KCNAB1: variants seen among roughly 807,000 people sequenced by gnomAD.
KCNAB1 encodes the protein potassium voltage-gated channel subfamily A regulatory beta subunit 1, also known as voltage-gated potassium channel subunit beta-1.
Under a neutral mutation model 64.6 loss-of-function variants are expected in KCNAB1, and 35 were observed. That is an observed-to-expected ratio of 0.54 (90% CI 0.41 to 0.72). The LOEUF is 0.72. KCNAB1 is among the 30% of genes least tolerant of loss of function. The probability of loss-of-function intolerance (pLI) is 0.00; values close to 1 mark genes in which losing one functional copy is unlikely to be tolerated. For synonymous variants in KCNAB1, 177 were observed against 183.8 expected (o/e 0.96, Z 0.30); for missense variants, 401 against 512.9 (o/e 0.78, Z 2.11).
chr3:156,202,170 A>G (rs1714376598), intron 1 of KCNAB1, among the ~76,000 whole-genome samples: 1 of 152,162 alleles, frequency 6.6e-6, no homozygotes. Flanking sequence ...TAGGCTCAAC[A>G]CTGGCTGGAG....
At chr3:156,527,136 C>CA (rs1334865987) in intron 12 of KCNAB1, among the ~76,000 whole-genome samples, 1 of 151,966 alleles carries the variant, frequency 6.6e-6, no homozygotes, top group African/African-American at 2.4e-5. Context: ...ATCCTTTCTT[C>CA]AAAAAATAAA....
intron 1 of KCNAB1, among the ~76,000 whole-genome samples, chr3:156,340,932 C>G (rs897555586): frequency 6.6e-6 from 1 of 152,194 alleles, no homozygotes; most frequent in Non-Finnish European, 1.5e-5. Context: ...CTCAAGACCT[C>G]CCACCTCTAT....
At chr3:156,400,687 A>G (rs990562213) in intron 1 of KCNAB1, among the ~76,000 whole-genome samples, 61 of 152,180 alleles carry the variant, frequency 4.0e-4, no homozygotes, top group African/African-American at 1.4e-3. Context: ...CAATGTATAT[A>G]CAATGCACTT....
At chr3:156,329,481 C>G (rs577280532) in intron 1 of KCNAB1, among the ~76,000 whole-genome samples, 1 of 152,230 alleles carries the variant, frequency 6.6e-6, no homozygotes, top group African/African-American at 2.4e-5. Context: ...AACCCCCCAA[C>G]AGCTGGGCCT....
At chr3:156,201,617 T>A (rs1213637183) in intron 1 of KCNAB1, among the ~76,000 whole-genome samples, 1 of 152,200 alleles carries the variant, frequency 6.6e-6, no homozygotes, top group Non-Finnish European at 1.5e-5. Context: ...GCAGGCTCCA[T>A]GTCCACCAAT....
At chr3:156,501,983 A>G (rs1415110720) in intron 8 of KCNAB1, among the ~76,000 whole-genome samples, 1 of 152,154 alleles carries the variant, frequency 6.6e-6, no homozygotes, top group African/African-American at 2.4e-5. Context: ...TCATGAGAAT[A>G]GCACGGGAAA....
intron 1 of KCNAB1, among the ~76,000 whole-genome samples, chr3:156,134,450 A>G (rs781487832): frequency 2.6e-5 from 4 of 152,238 alleles, no homozygotes; most frequent in Admixed American, 6.5e-5. Flanking sequence ...CCAAGAAAGA[A>G]TACATGGTTT....
At chr3:156,189,579 T>C (rs1204604170) in intron 1 of KCNAB1, among the ~76,000 whole-genome samples, 2 of 152,308 alleles carry the variant, frequency 1.3e-5, no homozygotes, top group Non-Finnish European at 1.5e-5. Flanking sequence ...TCTTGCCTTT[T>C]CTAATCTTTT....
At chr3:156,415,233 C>T (rs968798170) in intron 1 of KCNAB1, among the ~76,000 whole-genome samples, 9 of 152,146 alleles carry the variant, frequency 5.9e-5, no homozygotes, top group South Asian at 2.1e-4. Context: ...TTTAAAATAG[C>T]GCTTTTCCTA....
intron 1 of KCNAB1, among the ~76,000 whole-genome samples, chr3:156,302,927 G>A (rs1721255136): frequency 2.0e-5 from 3 of 152,148 alleles, no homozygotes; most frequent in Admixed American, 2.0e-4. Flanking sequence ...TAGCACTTGG[G>A]ATCATGGGAG....
chr3:156,232,431 T>A (rs1346865530), intron 1 of KCNAB1, among the ~76,000 whole-genome samples: 1 of 152,258 alleles, frequency 6.6e-6, no homozygotes, highest in Non-Finnish European at 1.5e-5. Flanking sequence ...CAGGCTCTTA[T>A]TTGCTTCTGT....
intron 1 of KCNAB1, among the ~76,000 whole-genome samples, chr3:156,208,976 T>C (rs1714843691): frequency 6.6e-6 from 1 of 152,236 alleles, no homozygotes; most frequent in Non-Finnish European, 1.5e-5. Flanking sequence ...CAAAGACAGG[T>C]ATTTTTCCAG....
At chr3:156,239,038 G>C (rs887693612) in intron 1 of KCNAB1, among the ~76,000 whole-genome samples, 1 of 152,094 alleles carries the variant, frequency 6.6e-6, no homozygotes, top group African/African-American at 2.4e-5. Flanking sequence ...AGACAATTGA[G>C]AAACAAGTAT....
At chr3:156,323,343 G>A (rs531601435) in intron 1 of KCNAB1, among the ~76,000 whole-genome samples, 8 of 152,188 alleles carry the variant, frequency 5.3e-5, no homozygotes, top group South Asian at 4.2e-4. Flanking sequence ...ATTGGTGTTC[G>A]GGGAGAAATG....
At chr3:156,145,010 G>T (rs1375092912) in intron 1 of KCNAB1, among the ~76,000 whole-genome samples, 1 of 152,202 alleles carries the variant, frequency 6.6e-6, no homozygotes, top group African/African-American at 2.4e-5. Flanking sequence ...GAGCCCACCT[G>T]CTTGAGGGGA....
At chr3:156,186,413 A>G (rs998471143) in intron 1 of KCNAB1, among the ~76,000 whole-genome samples, 1 of 152,086 alleles carries the variant, frequency 6.6e-6, no homozygotes, top group Non-Finnish European at 1.5e-5. Context: ...CAAAGCTGAC[A>G]TCTCCCTCCT....
At chr3:156,482,771 A>C (rs572940227) in intron 8 of KCNAB1, among the ~76,000 whole-genome samples, 2 of 152,218 alleles carry the variant, frequency 1.3e-5, no homozygotes, top group African/African-American at 4.8e-5. Context: ...AATATACACA[A>C]AATGCTTAGG....
chr3:156,118,804 A>G (rs73873500), upstream of KCNAB1, among the ~76,000 whole-genome samples: 753 of 152,312 alleles, frequency 4.9e-3, 8 homozygotes, highest in African/African-American at 0.017. Flanking sequence ...AACATCTCCA[A>G]GAATATTAAA....
intron 1 of KCNAB1, among the ~76,000 whole-genome samples, chr3:156,268,574 T>C (rs950518549): frequency 1.3e-5 from 2 of 152,224 alleles, no homozygotes; most frequent in African/African-American, 2.4e-5. Context: ...TTAACTGGGG[T>C]GAGATGATAT....
Sources: allele counts gnomAD v4.1 joint callset (sites outside exome capture counted in the v4.1 genomes callset), GRCh38; gene constraint gnomAD v4.1.1; transcripts MANE v1.5; gene names NCBI Gene and HGNC (gene_info 2026-07-23, HGNC 2026-07-21).